Variants in SAMD5 observed in about 807,000 individuals in gnomAD.
The protein encoded by SAMD5 is sterile alpha motif domain containing 5, also known as sterile alpha motif domain-containing protein 5.
In SAMD5, 13 loss-of-function variants were observed where a neutral mutation model predicts 11.3. The ratio of observed to expected loss-of-function variants is 1.15; its 90% CI spans 0.75 to 1.83. SAMD5 has a LOEUF of 1.83. Among genes scored for constraint, SAMD5 ranks in the 40% most tolerant of loss-of-function variants. The probability of loss-of-function intolerance (pLI) is 0.00; values close to 1 mark genes in which losing one functional copy is unlikely to be tolerated. For missense variants in SAMD5, 255 were observed against 239.1 expected (o/e 1.07, Z -0.44); for synonymous variants, 129 against 111.3 (o/e 1.16, Z -1.00).
chr6:147,819,126 A>AG, the SAMD5 span, among the ~76,000 whole-genome samples: 1 of 152,238 alleles, frequency 6.6e-6, no homozygotes, highest in African/African-American at 2.4e-5. Context: ...GAACATATAC[A>AG]CCATGGGATA....
the SAMD5 span, among the ~76,000 whole-genome samples, chr6:147,778,827 C>T: frequency 6.6e-6 from 1 of 151,294 alleles, no homozygotes; most frequent in East Asian, 1.9e-4. Context: ...TCTGGTTTGT[C>T]TCCTTTGCCT....
At chr6:147,678,078 T>C (rs1048936783) in intron 1 of SAMD5, among the ~76,000 whole-genome samples, 1 of 152,182 alleles carries the variant, frequency 6.6e-6, no homozygotes, top group African/African-American at 2.4e-5. Context: ...TAAATTATCA[T>C]AGATATTTAT....
chr6:147,859,115 G>A, the SAMD5 span, among the ~76,000 whole-genome samples: 2 of 152,318 alleles, frequency 1.3e-5, no homozygotes, highest in Admixed American at 6.5e-5. Flanking sequence ...GAATTGTCGA[G>A]TAAAGCAATG....
chr6:147,690,984 T>TGG (rs1321876651), intron 1 of SAMD5, among the ~76,000 whole-genome samples: 1 of 74,466 alleles, frequency 1.3e-5, no homozygotes, highest in Non-Finnish European at 2.8e-5. Context: ...TTTTTTTTTT[T>TGG]GGTGGGGATC....
chr6:147,633,750 T>C (rs1277835741), intron 1 of SAMD5, among the ~76,000 whole-genome samples: 2 of 151,954 alleles, frequency 1.3e-5, no homozygotes, highest in Non-Finnish European at 2.9e-5. Flanking sequence ...CTCCTTCCTC[T>C]TCTTTTCCTT....
At chr6:147,610,738 A>AGTGTCTGC (rs1351053342) in intron 1 of SAMD5, among the ~76,000 whole-genome samples, 1 of 152,020 alleles carries the variant, frequency 6.6e-6, no homozygotes, top group Admixed American at 6.6e-5. Flanking sequence ...TCATTGTTGC[A>AGTGTCTGC]GTGTCTGCAA....
intron 1 of SAMD5, among the ~76,000 whole-genome samples, chr6:147,520,561 G>A (rs955857202): frequency 1.6e-4 from 24 of 152,102 alleles, no homozygotes; most frequent in Admixed American, 9.2e-4. Context: ...ATTTAAAATC[G>A]TCTATATTAC....
At chr6:147,904,654 T>C in the SAMD5 span, among the ~76,000 whole-genome samples, 1 of 152,176 alleles carries the variant, frequency 6.6e-6, no homozygotes, top group African/African-American at 2.4e-5. Context: ...CCTGGGCTGA[T>C]CTTCCATTTC....
the SAMD5 span, among the ~76,000 whole-genome samples, chr6:147,769,577 T>C: frequency 1.3e-5 from 2 of 152,202 alleles, no homozygotes; most frequent in Non-Finnish European, 2.9e-5. Flanking sequence ...CATTTGTACA[T>C]GTTTGTTTTA....
At chr6:147,761,802 C>T in the SAMD5 span, among the ~76,000 whole-genome samples, 1,042 of 152,274 alleles carry the variant, frequency 6.8e-3, 11 homozygotes, top group African/African-American at 0.024. Flanking sequence ...CAATCTCTGC[C>T]TCCAGGTTCA....
intron 1 of SAMD5, among the ~76,000 whole-genome samples, chr6:147,727,050 G>A (rs1053014074): frequency 6.6e-6 from 1 of 152,110 alleles, no homozygotes; most frequent in African/African-American, 2.4e-5. Flanking sequence ...CTTGCTGAAA[G>A]CCTTTTAACT....
the SAMD5 span, among the ~76,000 whole-genome samples, chr6:147,916,029 T>G: frequency 6.6e-6 from 1 of 152,000 alleles, no homozygotes; most frequent in East Asian, 1.9e-4. Context: ...TCTGAGAGTT[T>G]GCTGAGAATG....
chr6:147,595,858 A>G (rs556673466), intron 1 of SAMD5, among the ~76,000 whole-genome samples: 3 of 152,074 alleles, frequency 2.0e-5, no homozygotes, highest in African/African-American at 7.2e-5. Flanking sequence ...TAGGCAAGCC[A>G]TCCATATTCC....
At chr6:147,738,522 A>C (rs1188722965), downstream of SAMD5, among the ~76,000 whole-genome samples, 1 of 152,224 alleles carries the variant, frequency 6.6e-6, no homozygotes, top group African/African-American at 2.4e-5. Flanking sequence ...TTTCAAATGC[A>C]TGTTGAGGCT....
the SAMD5 span, among the ~76,000 whole-genome samples, chr6:147,906,203 T>G: frequency 6.6e-6 from 1 of 152,262 alleles, no homozygotes; most frequent in Non-Finnish European, 1.5e-5. Context: ...TTGCTGATAC[T>G]TTTTTCTCTA....
intron 1 of SAMD5, among the ~76,000 whole-genome samples, chr6:147,661,994 G>C (rs12664559): frequency 0.089 from 13,536 of 152,174 alleles, 895 homozygotes; most frequent in East Asian, 0.26. Context: ...TGCCCATTCT[G>C]TAGCCCTTGA....
the SAMD5 span, among the ~76,000 whole-genome samples, chr6:147,776,332 A>G: frequency 1.3e-5 from 2 of 152,214 alleles, no homozygotes; most frequent in Admixed American, 6.5e-5. Context: ...GTTACACCTC[A>G]TAGTTGGGCC....
At chr6:147,810,444 C>T in the SAMD5 span, among the ~76,000 whole-genome samples, 6 of 152,126 alleles carry the variant, frequency 3.9e-5, no homozygotes, top group Non-Finnish European at 7.3e-5. Context: ...CGGGCTTGAC[C>T]CTGCCCCAGT....
chr6:147,914,330 AGACAACAACAACAAC>A, the SAMD5 span, among the ~76,000 whole-genome samples: 1 of 152,158 alleles, frequency 6.6e-6, no homozygotes, highest in Non-Finnish European at 1.5e-5. Flanking sequence ...AAAAGAAAAC[AGACAACAACAACAAC>A]GACAACAACA....
Sources: allele counts gnomAD v4.1 joint callset (sites outside exome capture counted in the v4.1 genomes callset), GRCh38; gene constraint gnomAD v4.1.1; transcripts MANE v1.5; gene names NCBI Gene and HGNC (gene_info 2026-07-23, HGNC 2026-07-21).